The following CTTN variants were observed in gnomAD, a reference collection of about 807,000 sequenced individuals.
CTTN encodes the protein cortactin, also known as src substrate cortactin.
Under a neutral mutation model 84.0 loss-of-function variants are expected in CTTN, and 28 were observed. That is an observed-to-expected ratio of 0.33 (90% confidence interval 0.25 to 0.46). CTTN has a LOEUF of 0.46. Ranked by LOEUF, CTTN falls within the 20% of genes least tolerant of loss-of-function variation. The pLI, the probability that CTTN is intolerant of heterozygous loss-of-function variation, is 1.00. For missense variants in CTTN, 641 were observed against 723.8 expected (o/e 0.89, Z 1.31); for synonymous variants, 301 against 288.8 (o/e 1.04, Z -0.43).
chr11:70,412,684 G>A (rs2058107885), intron 5 of CTTN, among the ~76,000 whole-genome samples: 1 of 152,168 alleles, frequency 6.6e-6, no homozygotes, highest in African/African-American at 2.4e-5. Flanking sequence ...GGCCAGCGGT[G>A]GCTGCATCCA....
chr11:70,430,372 A>G (rs1299912040), intron 14 of CTTN, among the ~76,000 whole-genome samples: 3 of 152,204 alleles, frequency 2.0e-5, no homozygotes, highest in Non-Finnish European at 4.4e-5. Context: ...CTAGTGTCTT[A>G]TAGCTCTGGA....
chr11:70,431,262 C>T lies in CTTN; in HGVS notation c.1248C>T (p.Pro416=), dbSNP rs767576532. ...CTCAGCCAACCGAGGAGAGGCTGCC[C>T]TCGAGCCCCGTCTATGAGGTTGGTG... The part of the protein sequence containing the change: ...PAPQPTEERL[P]SSPVYEDAAS... Residue 416 remains proline (P), a synonymous_variant, in exon 15 of 18, where the codon CCC becomes CCT. Coordinates refer to ENST00000301843, the MANE Select transcript of CTTN (RefSeq NM_005231.4). 14 of 1,614,058 alleles carry T rather than the reference C, an allele frequency of 8.7e-6. No homozygotes were observed. In the African/African-American group the frequency reaches 1.9e-4, roughly 22 times the overall value.
chr11:70,420,193 C>A, intron 9 of CTTN: 1 of 603,790 alleles, frequency 1.7e-6, no homozygotes, highest in Admixed American at 2.9e-5. Context: ...GGCTTAGTCA[C>A]GATGCTGAGG....
At chr11:70,432,460 C>G (rs1372513352) in intron 15 of CTTN, among the ~76,000 whole-genome samples, 1 of 152,342 alleles carries the variant, frequency 6.6e-6, no homozygotes, top group African/African-American at 2.4e-5. Flanking sequence ...CAGTCACTGC[C>G]GGTGACATCA....
At chr11:70,414,379 T>C (rs531246818) in intron 5 of CTTN, among the ~76,000 whole-genome samples, 163 bp from the exon 6 acceptor site, 1 of 150,182 alleles carries the variant, frequency 6.7e-6, no homozygotes, top group Non-Finnish European at 1.5e-5. Flanking sequence ...GACCCGGGCC[T>C]CCCAGGAGTC....
Position 70,435,205 on chromosome 11 carries a change from C to CTACAGATCAG in CTTN, c.*44_*53dup. Reference sequence around the variant, plus strand: ...CGGAGCTGCGCCCTGGATCCTCACACTACAGATCAGGCCTTCTTTGGTTCT... The same window carrying CTACAGATCAG: ...CGGAGCTGCGCCCTGGATCCTCACACTACAGATCAGTACAGATCAGGCCTTCTTTGGTTCT... On this transcript the variant is annotated 3_prime_UTR_variant, in exon 18 of 18. Transcript: ENST00000301843. 6.5e-7 allele frequency: 1 copy of CTACAGATCAG among 1,532,964 alleles called. No individual in the cohort carries two copies. The highest frequency in any genetic ancestry group is 8.7e-7 in the Non-Finnish European group (1 of 1,149,132). The allele number at this position is 1,532,964 out of a possible 1,614,324, so 95.0% of individuals were successfully genotyped here.
At chr11:70,429,251 G>A (rs1591450046) in intron 14 of CTTN, 52 bp downstream of exon 14, 2 of 1,573,848 alleles carry the variant, frequency 1.3e-6, no homozygotes, top group South Asian at 2.3e-5. Flanking sequence ...CCTGTGCCGA[G>A]GGGATTGGGA....
intron 1 of CTTN, among the ~76,000 whole-genome samples, chr11:70,399,186 G>C (rs1342082324): frequency 6.6e-6 from 1 of 151,490 alleles, no homozygotes; most frequent in South Asian, 2.1e-4. Flanking sequence ...AGGTGTCTGG[G>C]TGCAGAGGGA....
At chr11:70,424,545 C>T (rs1030344799) in intron 12 of CTTN, among the ~76,000 whole-genome samples, 6 of 152,092 alleles carry the variant, frequency 3.9e-5, no homozygotes, top group Middle Eastern at 3.4e-3. Flanking sequence ...TGAAGTTGCC[C>T]CCTCAGGGCA....
intron 15 of CTTN, among the ~76,000 whole-genome samples, chr11:70,432,565 T>A (rs951000717): frequency 1.1e-4 from 16 of 152,318 alleles, no homozygotes; most frequent in Admixed American, 7.2e-4. Flanking sequence ...TGGTTATAGA[T>A]AGAGAGGTGT....
chr11:70,423,545 G>A (rs2058266926), intron 12 of CTTN, among the ~76,000 whole-genome samples: 2 of 152,242 alleles, frequency 1.3e-5, no homozygotes, highest in African/African-American at 4.8e-5. Flanking sequence ...GGCGTAGGCA[G>A]GCAGAGCAGG....
chr11:70,433,629 G>C lies in CTTN; in HGVS notation c.1445-18G>C, dbSNP rs1300496054. On this transcript the variant is annotated intron_variant, in intron 16 of 17. Coordinates refer to ENST00000301843, the MANE Select transcript of CTTN (RefSeq NM_005231.4). Reference sequence around the variant, plus strand: ...GTGGGACTTTGTATTGTTCAGCTCTGTCATGGCTTTCTTTTAGAGGACAGC... The same window carrying C: ...GTGGGACTTTGTATTGTTCAGCTCTCTCATGGCTTTCTTTTAGAGGACAGC... 11 of 1,583,882 alleles carry C rather than the reference G, an allele frequency of 6.9e-6. No individual in the cohort carries two copies. Among genetic ancestry groups the C allele is most frequent in the Non-Finnish European group, 9.5e-6 (11 of 1,152,968 alleles).
intron 10 of CTTN, among the ~76,000 whole-genome samples, chr11:70,420,753 G>T (rs528991399): frequency 6.6e-6 from 1 of 152,200 alleles, no homozygotes; most frequent in Admixed American, 6.5e-5. Flanking sequence ...TGGGTTGCAC[G>T]GGCCAAGCCT....
intron 13 of CTTN, among the ~76,000 whole-genome samples, chr11:70,426,439 T>A (rs1384795587): frequency 6.7e-6 from 1 of 148,550 alleles, no homozygotes; most frequent in African/African-American, 2.5e-5. Flanking sequence ...GAGAGAGGAA[T>A]GGTTTATTTA....
At chr11:70,399,543 G>A (rs1447549547) in intron 1 of CTTN, among the ~76,000 whole-genome samples, 1 of 152,102 alleles carries the variant, frequency 6.6e-6, no homozygotes. Context: ...GCAGCTAGTC[G>A]TGAGGCTCTA....
chr11:70,421,854 A>C (rs1230833355), intron 11 of CTTN: 2 of 423,574 alleles, frequency 4.7e-6, no homozygotes, highest in Non-Finnish European at 8.5e-6. Context: ...TGACCCATCC[A>C]GTCTCTGGAC....
At chr11:70,427,900 C>T (rs1002551119) in intron 13 of CTTN, among the ~76,000 whole-genome samples, 34 of 152,170 alleles carry the variant, frequency 2.2e-4, no homozygotes, top group Admixed American at 2.0e-3. Context: ...GGAATTTTCC[C>T]GTTGGCAACA....
chr11:70,415,859 C>G, intron 7 of CTTN, 142 bp downstream of exon 7: 1 of 758,268 alleles, frequency 1.3e-6, no homozygotes, highest in Non-Finnish European at 2.3e-6. Context: ...TGAGCGGTGG[C>G]TGTTGCCACA....
intron 7 of CTTN, 159 bp from the exon 8 acceptor site, chr11:70,416,854 T>G: frequency 3.2e-6 from 2 of 630,342 alleles, no homozygotes; most frequent in Non-Finnish European, 5.8e-6. Flanking sequence ...GGGTCCAGCG[T>G]CACCTGTATG....
Sources: allele counts gnomAD v4.1 joint callset (sites outside exome capture counted in the v4.1 genomes callset), GRCh38; gene constraint gnomAD v4.1.1; transcripts MANE v1.5; gene names NCBI Gene and HGNC (gene_info 2026-07-23, HGNC 2026-07-21).